Variants in SIDT1 observed in about 807,000 individuals in gnomAD.
The protein encoded by SIDT1 is SID1 transmembrane family, member 1.
In SIDT1, 101 loss-of-function variants were observed where a neutral mutation model predicts 107.5. The ratio of observed to expected loss-of-function variants is 0.94; its 90% confidence interval spans 0.80 to 1.11. SIDT1 has a LOEUF of 1.11. Among genes scored for constraint, SIDT1 ranks in the 50% least tolerant of loss-of-function variants. The pLI is 0.00. For missense variants in SIDT1, 1,076 were observed against 1,058.2 expected (o/e 1.02, Z -0.23); for synonymous variants, 395 against 398.2 (o/e 0.99, Z 0.10).
At chr3:113,545,252 A>G (rs1292721510) in intron 1 of SIDT1, among the ~76,000 whole-genome samples, 2 of 151,886 alleles carry the variant, frequency 1.3e-5, no homozygotes, top group East Asian at 3.9e-4. Flanking sequence ...ATTAGTTATT[A>G]CTATGATGGT....
intron 4 of SIDT1, among the ~76,000 whole-genome samples, chr3:113,578,585 C>T (rs1431662430): frequency 6.6e-6 from 1 of 151,964 alleles, no homozygotes; most frequent in Non-Finnish European, 1.5e-5. Context: ...TGGTGGCTTG[C>T]ACCTGTAATC....
At chr3:113,598,656 A>G (rs2107643093) in intron 10 of SIDT1, among the ~76,000 whole-genome samples, 1 of 152,332 alleles carries the variant, frequency 6.6e-6, no homozygotes, top group Admixed American at 6.5e-5. Context: ...ATCTCTCAGC[A>G]TCTCCCTTTT....
intron 10 of SIDT1, among the ~76,000 whole-genome samples, chr3:113,593,356 A>G (rs1944316855): frequency 6.6e-6 from 1 of 152,190 alleles, no homozygotes; most frequent in Non-Finnish European, 1.5e-5. Context: ...CGCTCAGATC[A>G]GTGGCAGCAT....
At chr3:113,602,388 A>C (rs1359612317) in intron 11 of SIDT1, 2 of 152,268 alleles carry the variant, frequency 1.3e-5, no homozygotes, top group African/African-American at 4.8e-5. Flanking sequence ...TTAGAACAGG[A>C]TTTTTAAGAA....
chr3:113,614,380 A>G (rs931396442), intron 19 of SIDT1, among the ~76,000 whole-genome samples: 1 of 152,212 alleles, frequency 6.6e-6, no homozygotes, highest in Non-Finnish European at 1.5e-5. Context: ...GGAACTAGCC[A>G]GCCTGTAGTT....
At chr3:113,544,171 T>TTTTGTTTG (rs139256393) in intron 1 of SIDT1, among the ~76,000 whole-genome samples, 9 of 131,810 alleles carry the variant, frequency 6.8e-5, no homozygotes, top group East Asian at 6.5e-4. Context: ...TCATGAGTCT[T>TTTTGTTTG]TTTGTTTGTT....
At chr3:113,616,876 CG>C (rs1236447018) in intron 20 of SIDT1, among the ~76,000 whole-genome samples, 1 of 151,942 alleles carries the variant, frequency 6.6e-6, no homozygotes, top group African/African-American at 2.4e-5. Flanking sequence ...TTAGTAGAGA[CG>C]GGGCTTCTCC....
chr3:113,581,813 A>C, intron 6 of SIDT1: 1 of 214,050 alleles, frequency 4.7e-6, no homozygotes, highest in Non-Finnish European at 9.5e-6. Flanking sequence ...GCAGAGGTTG[A>C]AGTGAGCCAA....
chr3:113,554,258 C>G (rs886928650), intron 1 of SIDT1, among the ~76,000 whole-genome samples: 3 of 152,086 alleles, frequency 2.0e-5, no homozygotes, highest in Non-Finnish European at 2.9e-5. Flanking sequence ...GATAGTCTCA[C>G]GATTTATTGC....
intron 3 of SIDT1, among the ~76,000 whole-genome samples, chr3:113,576,434 C>A (rs1942904973): frequency 6.6e-6 from 1 of 152,078 alleles, no homozygotes; most frequent in African/African-American, 2.4e-5. Flanking sequence ...AGGCACCATC[C>A]CATGTGGTTA....
chr3:113,611,200 T>C, intron 18 of SIDT1, 56 bp downstream of exon 18: 14 of 1,582,500 alleles, frequency 8.8e-6, no homozygotes, highest in Non-Finnish European at 1.2e-5. Context: ...CTAGGTCCAA[T>C]AAACAAACAA....
At position 113,608,495 on chromosome 3, in the gene SIDT1, C is replaced by T. The variant is rs150449264; in HGVS notation, c.1679C>T (p.Ala560Val). 29 of 1,613,732 alleles carry T rather than the reference C, an allele frequency of 1.8e-5. No individual in the cohort carries two copies. The highest frequency in any genetic ancestry group is 2.3e-5 in the Non-Finnish European group (27 of 1,179,734). ...TTGATGATGGAAGGGGTGCTCAGTGCTTGCTACCATGTCTGCCCTAATTAT... is the reference window on the plus strand; with the variant it reads ...TTGATGATGGAAGGGGTGCTCAGTGTTTGCTACCATGTCTGCCCTAATTAT... ...IALMMEGVLS[A>V]CYHVCPNYSN... Residue 560 changes from alanine (A) to valine (V), a missense_variant, in exon 17 of 25, where the codon GCT (alanine) becomes GTT (valine). Physicochemically the swap from Ala to Val is moderately conservative, Grantham distance 64. Transcript: ENST00000264852.
chr3:113,544,841 C>A (rs1045437202), intron 1 of SIDT1, among the ~76,000 whole-genome samples: 2 of 151,990 alleles, frequency 1.3e-5, no homozygotes, highest in African/African-American at 2.4e-5. Flanking sequence ...GGGCCAGGTG[C>A]GGCGGCTCAA....
At chr3:113,627,136 T>C (rs865799038) in intron 24 of SIDT1, among the ~76,000 whole-genome samples, 1 of 152,294 alleles carries the variant, frequency 6.6e-6, no homozygotes, top group African/African-American at 2.4e-5. Flanking sequence ...ACATTTCTTA[T>C]ATAGCAATAC....
intron 3 of SIDT1, among the ~76,000 whole-genome samples, chr3:113,573,207 C>A (rs1942617364): frequency 6.6e-6 from 1 of 152,104 alleles, no homozygotes; most frequent in Non-Finnish European, 1.5e-5. Context: ...AGGTCAGGAT[C>A]AGGGAAGTGA....
At chr3:113,597,166 G>C (rs528778485) in intron 10 of SIDT1, among the ~76,000 whole-genome samples, 2 of 152,146 alleles carry the variant, frequency 1.3e-5, no homozygotes, top group African/African-American at 4.8e-5. Flanking sequence ...GAAACAAAAC[G>C]TGACACTAAG....
chr3:113,592,409 A>T (rs1240124083), intron 9 of SIDT1, among the ~76,000 whole-genome samples: 1 of 152,174 alleles, frequency 6.6e-6, no homozygotes, highest in East Asian at 1.9e-4. Flanking sequence ...TGAATAAATG[A>T]TGTATATGCC....
At chr3:113,603,840 A>G (rs1035250178) in intron 12 of SIDT1, 120 bp from the exon 13 acceptor site, 9 of 656,320 alleles carry the variant, frequency 1.4e-5, no homozygotes, top group Non-Finnish European at 2.4e-5. Flanking sequence ...GAATAATTGT[A>G]TCGCTTGAAT....
chr3:113,584,716 G>T lies in SIDT1; in HGVS notation c.854G>T (p.Trp285Leu). ...FFIQEKENQT[W>L]NLQRKKNLEV... is the part of the protein sequence containing the mutation. The stretch of plus-strand genomic sequence containing the variant: ...AAACCAGAAAAGGAAAACCAGACCT[G>T]GAATCTACAGCGAAAAAAGAACCTT... The change falls in exon 8 of 25, where the codon TGG becomes TTG. Residue 285 changes from tryptophan to leucine, a missense_variant. Physicochemically the swap from Trp to Leu is moderately conservative, Grantham distance 61. Coordinates refer to ENST00000264852, the MANE Select transcript of SIDT1 (RefSeq NM_017699.3). 6.3e-7 allele frequency: 1 copy of T among 1,598,742 alleles called. No individual in the cohort carries two copies. The highest frequency in any genetic ancestry group is 1.1e-5 in the South Asian group (1 of 87,354).
Sources: gnomAD v4.1 joint callset for allele counts (sites outside exome capture counted in the v4.1 genomes callset) on GRCh38, gnomAD v4.1.1 for gene constraint, MANE v1.5 for transcripts, NCBI Gene and HGNC (gene_info 2026-07-23, HGNC 2026-07-21) for gene names.